CFAP45: variants seen among roughly 807,000 people sequenced by gnomAD.
The protein encoded by CFAP45 is cilia- and flagella-associated protein 45.
A neutral mutation model predicts 75.6 loss-of-function variants in CFAP45; 43 were observed. That is an observed-to-expected ratio of 0.57 (90% CI 0.45 to 0.73). The LOEUF is 0.73. CFAP45 is among the 30% of genes least tolerant of loss of function. CFAP45 has a pLI of 0.00. For missense variants in CFAP45, 689 were observed against 701.5 expected (o/e 0.98, Z 0.20); for synonymous variants, 223 against 244.6 (o/e 0.91, Z 0.82).
intron 5 of CFAP45, among the ~76,000 whole-genome samples, chr1:159,886,982 T>C (rs968528098): frequency 2.0e-5 from 3 of 152,130 alleles, no homozygotes; most frequent in African/African-American, 7.2e-5. Context: ...CCTTTGGAAA[T>C]ATGATGAAAG....
At chr1:159,879,636 A>G (rs529638396) in intron 8 of CFAP45, among the ~76,000 whole-genome samples, 1 of 152,322 alleles carries the variant, frequency 6.6e-6, no homozygotes, top group South Asian at 2.1e-4. Flanking sequence ...CCAGCATCCA[A>G]TAAGAATACT....
At chr1:159,891,156 T>C (rs1649821370) in intron 2 of CFAP45, among the ~76,000 whole-genome samples, 1 of 152,210 alleles carries the variant, frequency 6.6e-6, no homozygotes, top group African/African-American at 2.4e-5. Flanking sequence ...AGTGTGTGTC[T>C]ATACTTAGTC....
chr1:159,897,506 C>G (rs1318874909), intron 1 of CFAP45, among the ~76,000 whole-genome samples: 1 of 152,144 alleles, frequency 6.6e-6, no homozygotes, highest in East Asian at 1.9e-4. Flanking sequence ...TCGCTTGAAC[C>G]TGGGAGGTGG....
At chr1:159,896,104 T>C (rs980898083) in intron 1 of CFAP45, among the ~76,000 whole-genome samples, 3 of 152,230 alleles carry the variant, frequency 2.0e-5, no homozygotes, top group Non-Finnish European at 2.9e-5. Flanking sequence ...GGCTTTGGAA[T>C]ACAGATGGAA....
Position 159,876,655 on chromosome 1 carries a change from G to T in CFAP45, c.1253C>A (p.Ala418Asp), listed in dbSNP as rs1649409725. Residue 418 changes from alanine to aspartate, a missense_variant, in exon 10 of 12, where the codon GCT (alanine) becomes GAT (aspartate). Coordinates refer to ENST00000368099, the MANE Select transcript of CFAP45 (RefSeq NM_012337.3). ...ENARKKMETEAELRKSRLEQV... is the reference protein window; with the variant it reads ...ENARKKMETEDELRKSRLEQV... ...TTCGAGCCGACTTTTTCGCAGCTCA[G>T]CCTCTGTTTCCATCTTCTTCCGCGC... is the stretch of plus-strand genomic sequence containing the variant. 1.2e-6 allele frequency: 2 copies of T among 1,614,066 alleles called. No individual in the cohort carries two copies. The highest frequency in any genetic ancestry group is 2.2e-5 in the South Asian group (2 of 91,078).
intron 8 of CFAP45, among the ~76,000 whole-genome samples, chr1:159,878,373 TA>T (rs1384130255): frequency 6.6e-5 from 10 of 152,146 alleles, no homozygotes; most frequent in Non-Finnish European, 1.5e-4. Context: ...GGTATATCCT[TA>T]AAAGCTTCCC....
chr1:159,876,972 T>A (rs1380056886), intron 9 of CFAP45, among the ~76,000 whole-genome samples: 1 of 152,218 alleles, frequency 6.6e-6, no homozygotes, highest in East Asian at 1.9e-4. Flanking sequence ...TCCAACCCAC[T>A]CATCCCAGTT....
At chr1:159,882,852 A>C (rs1390040256) in intron 7 of CFAP45, among the ~76,000 whole-genome samples, 2 of 149,910 alleles carry the variant, frequency 1.3e-5, no homozygotes, top group African/African-American at 4.9e-5. Flanking sequence ...GCCCTTTCCC[A>C]CTCTCTCTCC....
intron 3 of CFAP45, among the ~76,000 whole-genome samples, chr1:159,889,203 C>T (rs1172912861): frequency 2.0e-5 from 3 of 150,752 alleles, no homozygotes; most frequent in South Asian, 2.1e-4. Context: ...AGCTATCCAA[C>T]GCATTCAACA....
In CFAP45 at chr1:159,885,705, G is replaced by A. The variant is rs187461885; in HGVS notation, c.767+806C>T. On this transcript the variant is annotated intron_variant, in intron 6 of 11. Transcript: ENST00000368099. Reference sequence around the variant, plus strand: ...ACGAAAGGACCTGTCCGCAATGAGCGTAGCATCTAGGAGGGTCAGAAAGCC... The same window carrying A: ...ACGAAAGGACCTGTCCGCAATGAGCATAGCATCTAGGAGGGTCAGAAAGCC... Among the ~76,000 whole-genome samples the A allele has an allele frequency of 7.2e-4, 110 of 152,254 alleles. 2 individuals carry two copies. In the South Asian group the frequency reaches 0.013, roughly 18 times the overall value.
chr1:159,876,291 T>C (rs1174894888), intron 10 of CFAP45: 3 of 530,426 alleles, frequency 5.7e-6, no homozygotes, highest in African/African-American at 3.8e-5. Context: ...TTATTTATAC[T>C]TTTACTGTTC....
chr1:159,892,217 G>A (rs1049990981), intron 2 of CFAP45, among the ~76,000 whole-genome samples: 1 of 152,172 alleles, frequency 6.6e-6, no homozygotes, highest in Non-Finnish European at 1.5e-5. Flanking sequence ...AGCCTGGGAA[G>A]TGGAGGTGGC....
chr1:159,878,753 TAAAAAAAAAAAA>T lies in CFAP45; in HGVS notation c.1045-1303_1045-1292del, dbSNP rs539116292. ...CCTAGTGACAGAGCAAGACTACATCTAAAAAAAAAAAAAAAAAAAAAAAAAAAAACCTTCCTT... is the reference window on the plus strand; with the variant it reads ...CCTAGTGACAGAGCAAGACTACATCTAAAAAAAAAAAAAAAAACCTTCCTT... On this transcript the variant is annotated intron_variant, in intron 8 of 11. Coordinates refer to ENST00000368099, the MANE Select transcript of CFAP45 (RefSeq NM_012337.3). 1.7e-3 allele frequency among the ~76,000 whole-genome samples: 55 copies of T among 32,486 alleles called. 1 individual carries two copies. Among genetic ancestry groups the T allele is most frequent in the East Asian group, 0.016 (5 of 304 alleles). 21.3% of individuals were successfully genotyped at this position (32,486 alleles called of 152,430 possible).
rs201861835 is a variant in CFAP45 at position 159,872,956 on chromosome 1, A to G, written c.1565T>C (p.Leu522Pro). ...GATTCCAGCGCACCTCAGCTCTTCAAGCTTTTTCCTCTTGATCTCATCGAT... is the reference window on the plus strand; with the variant it reads ...GATTCCAGCGCACCTCAGCTCTTCAGGCTTTTTCCTCTTGATCTCATCGAT... ...ERIDEIKRKK[L>P]EELRATGLPE... The change falls in exon 11 of 12, where the codon CTT becomes CCT. Residue 522 changes from leucine to proline, a missense_variant. Physicochemically the swap from Leu to Pro is moderately conservative, Grantham distance 98 (BLOSUM62 -3). Coordinates refer to ENST00000368099, the MANE Select transcript of CFAP45 (RefSeq NM_012337.3). 63 of 1,614,054 alleles carry G rather than the reference A, an allele frequency of 3.9e-5. No individual in the cohort carries two copies. Among genetic ancestry groups the G allele is most frequent in the South Asian group, 3.6e-4 (33 of 91,086 alleles).
At chr1:159,893,111 GC>G in intron 2 of CFAP45, 68 bp downstream of exon 2, 1 of 1,574,692 alleles carries the variant, frequency 6.4e-7, no homozygotes, top group South Asian at 1.1e-5. Context: ...CAGAAGCTTT[GC>G]CCTGAGCTAC....
rs143489154 is a variant in CFAP45 at position 159,880,666 on chromosome 1, A to G, written c.932T>C (p.Met311Thr). 453 of 1,613,846 alleles carry G rather than the reference A, an allele frequency of 2.8e-4. 3 individuals carry two copies. Among genetic ancestry groups the G allele is most frequent in the Admixed American group, 3.0e-4 (18 of 59,982 alleles). Residue 311 changes from methionine (M) to threonine (T), a missense_variant, in exon 8 of 12, where the codon ATG becomes ACG. Coordinates refer to ENST00000368099, the MANE Select transcript of CFAP45 (RefSeq NM_012337.3). The stretch of plus-strand genomic sequence containing the variant: ...ATTGATGCGCTTAATCTCAGCTTGC[A>G]TCTTCAGTTTTTGTTGCTGCCTTCG... ...MERRQQQKLKMQAEIKRINDE... is the reference protein window; with the variant it reads ...MERRQQQKLKTQAEIKRINDE...
chr1:159,896,265 A>T (rs1319978936), intron 1 of CFAP45, among the ~76,000 whole-genome samples: 1 of 152,222 alleles, frequency 6.6e-6, no homozygotes, highest in East Asian at 1.9e-4. Flanking sequence ...GGTCAAGAGG[A>T]AGTCACAGCA....
rs138411937 is a variant in CFAP45 at position 159,880,648 on chromosome 1, C to T, written c.950G>A (p.Arg317His). 331 of 1,613,782 alleles carry T rather than the reference C, an allele frequency of 2.1e-4. No individual in the cohort carries two copies. Among genetic ancestry groups the T allele is most frequent in the East Asian group, 2.2e-4 (10 of 44,882 alleles). Reference sequence around the variant, plus strand: ...CTGTTTCTGGTTTTCATCATTGATGCGCTTAATCTCAGCTTGCATCTTCAG... The same window carrying T: ...CTGTTTCTGGTTTTCATCATTGATGTGCTTAATCTCAGCTTGCATCTTCAG... ...QKLKMQAEIKRINDENQKQKA... is the reference protein window; with the variant it reads ...QKLKMQAEIKHINDENQKQKA... Residue 317 changes from arginine (R) to histidine (H), a missense_variant, in exon 8 of 12, where the codon CGC becomes CAC. Coordinates refer to ENST00000368099, the MANE Select transcript of CFAP45 (RefSeq NM_012337.3).
chr1:159,883,738 C>T (rs1433833348), intron 7 of CFAP45, among the ~76,000 whole-genome samples: 2 of 151,004 alleles, frequency 1.3e-5, no homozygotes, highest in Non-Finnish European at 2.9e-5. Flanking sequence ...GGGTGTGATA[C>T]AATTTTTTCA....
Sources: gnomAD v4.1 joint callset for allele counts (sites outside exome capture counted in the v4.1 genomes callset) on GRCh38, gnomAD v4.1.1 for gene constraint, MANE v1.5 for transcripts, NCBI Gene and HGNC (gene_info 2026-07-23, HGNC 2026-07-21) for gene names.